CNTRL: variants seen among roughly 807,000 people sequenced by gnomAD.
CNTRL encodes the protein 110 kDa centrosomal protein.
A neutral mutation model predicts 303.7 loss-of-function variants in CNTRL; 233 were observed. The observed-to-expected ratio is 0.77, with a 90% CI of 0.69 to 0.86. The LOEUF (loss-of-function observed/expected upper bound fraction) is 0.86, where lower values mean the gene tolerates loss of function less well. Ranked by LOEUF, CNTRL falls within the 40% of genes least tolerant of loss-of-function variation. The probability of loss-of-function intolerance (pLI) is 0.00; values close to 1 mark genes in which losing one functional copy is unlikely to be tolerated. For synonymous variants in CNTRL, 900 were observed against 922.2 expected (o/e 0.98, Z 0.44); for missense variants, 2,524 against 2,650.6 (o/e 0.95, Z 1.05).
chr9:121,132,439 T>C (rs538254107), intron 14 of CNTRL, among the ~76,000 whole-genome samples: 2 of 152,346 alleles, frequency 1.3e-5, no homozygotes, highest in African/African-American at 4.8e-5. Context: ...CTGAAGCTTG[T>C]GCATGTGTTA....
chr9:121,138,136 A>T (rs1335348126), intron 15 of CNTRL, among the ~76,000 whole-genome samples: 1 of 152,146 alleles, frequency 6.6e-6, no homozygotes, highest in African/African-American at 2.4e-5. Flanking sequence ...CTTTTCTGAG[A>T]TAGAGTTTAG....
chr9:121,141,146 A>G (rs1323478), intron 17 of CNTRL, among the ~76,000 whole-genome samples: 105,999 of 152,030 alleles, frequency 0.7, 37,451 homozygotes, highest in East Asian at 0.96. Context: ...TATGAAATGG[A>G]CATTTATTCT....
rs73660410 is a variant in CNTRL, at chr9:121,150,557, G to A, written c.3963+74G>A. The A allele has an allele frequency of 4.7e-4, 661 of 1,396,016 alleles. 2 individuals carry two copies. The African/African-American group carries it at 8.7e-3, about 18-fold the overall frequency. The allele number at this position is 1,396,016 out of a possible 1,614,324, so 86.5% of individuals were successfully genotyped here. On this transcript the variant is annotated intron_variant, in intron 25 of 43. Coordinates refer to ENST00000373855, the MANE Select transcript of CNTRL (RefSeq NM_007018.6). ...ACTGATAAGGTTATATACTTAATGA[G>A]TTGACCTATTTATGACTGGATTATA...
chr9:121,088,380 A>G lies in CNTRL; in HGVS notation c.54A>G (p.Ser18=), dbSNP rs762340273. 14 of 1,613,808 alleles carry G rather than the reference A, an allele frequency of 8.7e-6. No homozygotes were observed. In the Admixed American group the frequency reaches 2.0e-4, roughly 23 times the overall value. ...KIFSKAKIPS[S]SHSPIPSSMS... ...TCTCCAAAGCAAAGATACCATCATC[A>G]TCTCACTCTCCTATCCCATCATCTA... Residue 18 remains serine (S), a synonymous_variant, in exon 3 of 44, where the codon TCA becomes TCG. Coordinates refer to ENST00000373855, the MANE Select transcript of CNTRL (RefSeq NM_007018.6).
Position 121,107,806 on chromosome 9 carries a change from G to T in CNTRL, c.813G>T (p.Glu271Asp). Residue 271 changes from glutamate to aspartate, a missense_variant, in exon 8 of 44, where the codon GAG becomes GAT. By Grantham distance (45) the Glu-to-Asp change is conservative. Transcript: ENST00000373855. Reference sequence around the variant, plus strand: ...CTATTAAATTTTCATTGGCAGAAGAGGTAGAAAGACTGGAAAGAGACCTAG... The same window carrying T: ...CTATTAAATTTTCATTGGCAGAAGATGTAGAAAGACTGGAAAGAGACCTAG... ...QEAFERFSLEEVERLERDLEK... is the reference protein window; with the variant it reads ...QEAFERFSLEDVERLERDLEK... The T allele has an allele frequency of 6.4e-7, 1 of 1,550,684 alleles. No individual in the cohort carries two copies. Among genetic ancestry groups the T allele is most frequent in the South Asian group, 1.3e-5 (1 of 79,660 alleles).
chr9:121,146,836 G>A (rs2051892226), intron 23 of CNTRL, among the ~76,000 whole-genome samples: 1 of 152,232 alleles, frequency 6.6e-6, no homozygotes, highest in African/African-American at 2.4e-5. Context: ...GGGATGTGAA[G>A]TCAGCACTTA....
At chr9:121,121,784 A>G in intron 12 of CNTRL, 1 of 985,458 alleles carries the variant, frequency 1.0e-6, no homozygotes, top group African/African-American at 1.7e-5. Flanking sequence ...TTGGCCAAGA[A>G]TGTGGTTTGA....
At chr9:121,105,504 T>C (rs10156413) in intron 7 of CNTRL, among the ~76,000 whole-genome samples, 103,077 of 151,990 alleles carry the variant, frequency 0.68, 35,678 homozygotes, top group East Asian at 0.96. Flanking sequence ...TCTGGACTAG[T>C]CATACAAATT....
At chr9:121,133,807 T>C (rs1367955750) in intron 14 of CNTRL, among the ~76,000 whole-genome samples, 15 of 152,220 alleles carry the variant, frequency 9.9e-5, no homozygotes, top group Admixed American at 9.8e-4. Flanking sequence ...TTTATATATA[T>C]TTTTATACAG....
intron 8 of CNTRL, 78 bp from the exon 9 acceptor site, chr9:121,112,379 ATG>A: frequency 2.3e-6 from 3 of 1,300,780 alleles, no homozygotes; most frequent in Non-Finnish European, 3.2e-6. Flanking sequence ...ATAACTTACG[ATG>A]AGAACTTACC....
At position 121,143,895 on chromosome 9, in the gene CNTRL, T is replaced by C. The variant is rs2051675858; in HGVS notation, c.2872-8T>C. The stretch of plus-strand genomic sequence containing the variant: ...TCATCTGTTTAATTAATATTTCTTT[T>C]ATTTTAGAAGAAACTTGAAGATGCC... On this transcript the variant is annotated splice_region_variant and splice_polypyrimidine_tract_variant and intron_variant, in intron 19 of 43. Transcript: ENST00000373855. 1.9e-6 allele frequency: 3 copies of C among 1,580,736 alleles called. No individual in the cohort carries two copies. The highest frequency in any genetic ancestry group is 8.6e-7 in the Non-Finnish European group (1 of 1,166,584).
rs1564195637 is a variant in CNTRL at position 121,092,814 on chromosome 9, TATA to T, written c.349-2073_349-2071del. ...TGTAATATATATATCTATATATATATATATTTTTTTTTTTTTGGAGTCTCGCTC... is the reference window on the plus strand; with the variant it reads ...TGTAATATATATATCTATATATATATTTTTTTTTTTTTTGGAGTCTCGCTC... On this transcript the variant is annotated intron_variant, in intron 4 of 43. Transcript: ENST00000373855. Among the ~76,000 whole-genome samples the T allele has an allele frequency of 2.0e-4, 5 of 25,314 alleles. 1 individual carries two copies. Among genetic ancestry groups the T allele is most frequent in the African/African-American group, 8.1e-4 (5 of 6,204 alleles). The allele number at this position is 25,314 out of a possible 152,430, so 16.6% of individuals were successfully genotyped here.
In CNTRL at chr9:121,132,220, A is replaced by G. The variant is rs549577694; in HGVS notation, c.2026-3586A>G. Among the ~76,000 whole-genome samples the G allele has an allele frequency of 3.3e-5, 5 of 152,328 alleles. No individual in the cohort carries two copies. In the South Asian group the frequency reaches 1.0e-3, roughly 32 times the overall value. ...AGTTCTCCTGGATAATATCCTGAAG[A>G]GTGTTTTCCAACTTAGTTCCATTCT... On this transcript the variant is annotated intron_variant, in intron 14 of 43. Coordinates refer to ENST00000373855, the MANE Select transcript of CNTRL (RefSeq NM_007018.6).
chr9:121,164,855 CTG>C, intron 34 of CNTRL, 86 bp from the exon 35 acceptor site: 2 of 961,244 alleles, frequency 2.1e-6, no homozygotes, highest in Non-Finnish European at 1.5e-6. Context: ...CTTTCCATAA[CTG>C]TATGTTGTGA....
At chr9:121,153,219 C>G (rs2052380607) in intron 26 of CNTRL, among the ~76,000 whole-genome samples, 1 of 152,182 alleles carries the variant, frequency 6.6e-6, no homozygotes, top group Admixed American at 6.5e-5. Context: ...CTCTCTTGGT[C>G]TACGCTGTAT....
intron 38 of CNTRL, among the ~76,000 whole-genome samples, chr9:121,169,126 A>G (rs2053206532): frequency 6.6e-6 from 1 of 152,220 alleles, no homozygotes; most frequent in East Asian, 1.9e-4. Flanking sequence ...GTTTGCACAC[A>G]TTATTCCAAT....
intron 6 of CNTRL, among the ~76,000 whole-genome samples, chr9:121,096,808 G>T (rs1354809356): frequency 6.6e-6 from 1 of 152,130 alleles, no homozygotes; most frequent in Non-Finnish European, 1.5e-5. Flanking sequence ...TTTCATGTAA[G>T]CCTCATAACA....
intron 12 of CNTRL, chr9:121,121,718 T>A: frequency 1.1e-6 from 1 of 916,610 alleles, no homozygotes; most frequent in South Asian, 5.0e-5. Context: ...TCGCGGAGGG[T>A]GGGGCCTGCC....
At chr9:121,075,111 C>T in intron 1 of CNTRL, 44 bp downstream of exon 1, 1 of 362,488 alleles carries the variant, frequency 2.8e-6, no homozygotes, top group Non-Finnish European at 5.5e-6. Flanking sequence ...GCATCCGGCC[C>T]GAGCAGTGGG....
Sources: gnomAD v4.1 joint callset for allele counts (sites outside exome capture counted in the v4.1 genomes callset) on GRCh38, gnomAD v4.1.1 for gene constraint, MANE v1.5 for transcripts, NCBI Gene and HGNC (gene_info 2026-07-23, HGNC 2026-07-21) for gene names.